The following KLF10 variants were observed in gnomAD, a reference collection of about 807,000 sequenced individuals.
The protein encoded by KLF10 is KLF transcription factor 10, also known as Krueppel-like factor 10.
Under a neutral mutation model 31.6 loss-of-function variants are expected in KLF10, and 17 were observed. That is an observed-to-expected ratio of 0.54 (90% CI 0.37 to 0.81). KLF10 has a LOEUF of 0.81. Among genes scored for constraint, KLF10 ranks in the 30% least tolerant of loss-of-function variants. KLF10 has a pLI of 0.00. For synonymous variants in KLF10, 239 were observed against 215.1 expected (o/e 1.11, Z -0.97); for missense variants, 525 against 598.1 (o/e 0.88, Z 1.27).
At chr8:102,653,769 G>T in intron 1 of KLF10, 1 of 1,103,706 alleles carries the variant, frequency 9.1e-7, no homozygotes, top group Non-Finnish European at 1.1e-6. Context: ...AGAAAGGCAG[G>T]CGGCAGGGAA....
intron 1 of KLF10, chr8:102,653,659 A>C: frequency 7.6e-7 from 1 of 1,307,432 alleles, no homozygotes; most frequent in Non-Finnish European, 9.7e-7. Context: ...AATATCGCTA[A>C]CAATATAATT....
At position 102,655,648 on chromosome 8, in the gene KLF10, G is replaced by C; in HGVS notation, c.-47C>G. Reference sequence around the variant, plus strand: ...CGGCAAGCTGACTGGCTGCTAGGCTGCTGGCTGCTTGGCCACAGACGGGCG... The same window carrying C: ...CGGCAAGCTGACTGGCTGCTAGGCTCCTGGCTGCTTGGCCACAGACGGGCG... On this transcript the variant is annotated 5_prime_UTR_variant, in exon 1 of 4. Transcript: ENST00000285407. 6.2e-7 allele frequency: 1 copy of C among 1,609,220 alleles called. No individual in the cohort carries two copies. Among genetic ancestry groups the C allele is most frequent in the South Asian group, 1.1e-5 (1 of 90,768 alleles).
At position 102,652,325 on chromosome 8, in the gene KLF10, T is replaced by C; in HGVS notation, c.109A>G (p.Ser37Gly). The change falls in exon 2 of 4, where the codon AGT (serine) becomes GGT (glycine). Residue 37 changes from serine to glycine, a missense_variant. Physicochemically the swap from Ser to Gly is moderately conservative, Grantham distance 56. Transcript: ENST00000285407. ...AGTGCTTCTACAGCTTCAAAATCAC[T>C]TTTCTCTGCAGTTTTGTTCCAGGAA... ...MYSWNKTAEK[S>G]DFEAVEALMS... 2 of 1,612,764 alleles carry C rather than the reference T, an allele frequency of 1.2e-6. No homozygotes were observed. The highest frequency in any genetic ancestry group is 4.5e-5 in the East Asian group (2 of 44,838).
At position 102,651,310 on chromosome 8, in the gene KLF10, A is replaced by T; in HGVS notation, c.1022T>A (p.Leu341His). The T allele has an allele frequency of 6.2e-7, 1 of 1,602,718 alleles. No homozygotes were observed. Residue 341 changes from leucine to histidine, a missense_variant, in exon 3 of 4, where the codon CTC (leucine) becomes CAC (histidine). Coordinates refer to ENST00000285407, the MANE Select transcript of KLF10 (RefSeq NM_005655.4). ...PPVVSPNGTR[L>H]SPIAPAPGFS... ...CCCAGGAGCAGGGGCAATGGGAGAGAGTCTGGTGCCATTCGGGCTCACCAC... is the reference window on the plus strand; with the variant it reads ...CCCAGGAGCAGGGGCAATGGGAGAGTGTCTGGTGCCATTCGGGCTCACCAC...
intron 3 of KLF10, 78 bp from the exon 4 acceptor site, chr8:102,650,469 T>A (rs907400741): frequency 1.5e-6 from 2 of 1,369,882 alleles, no homozygotes; most frequent in Non-Finnish European, 2.0e-6. Flanking sequence ...TAAAAGTATA[T>A]GAGAAGATAC....
intron 1 of KLF10, chr8:102,653,406 GAACT>G: frequency 7.3e-7 from 1 of 1,366,614 alleles, no homozygotes; most frequent in Non-Finnish European, 9.8e-7. Flanking sequence ...CTTATTTGTA[GAACT>G]ACCTAATGTT....
rs190680917 is a variant in KLF10, at chr8:102,653,668, T to C, written c.37-1271A>G. 4.4e-4 allele frequency: 567 copies of C among 1,287,634 alleles called. 20 individuals carry two copies. The Admixed American group carries it at 0.021, about 48-fold the overall frequency. 79.8% of individuals were successfully genotyped at this position (1,287,634 alleles called of 1,614,324 possible). A position where few individuals can be genotyped will look rare whatever the true frequency, so the allele number is the denominator to read the frequency against. On this transcript the variant is annotated intron_variant, in intron 1 of 3. Transcript: ENST00000285407. ...TCTTGAAATATCGCTAACAATATAA[T>C]TGCATAATCGCGCCCGCCTTTATGT...
Position 102,652,302 on chromosome 8 carries a change from T to C in KLF10, c.132A>G (p.Ala44=). The C allele has an allele frequency of 3.1e-6, 5 of 1,613,398 alleles. No individual in the cohort carries two copies. Among genetic ancestry groups the C allele is most frequent in the Non-Finnish European group, 4.2e-6 (5 of 1,179,516 alleles). Residue 44 remains alanine (A), a synonymous_variant, in exon 2 of 4, where the codon GCA becomes GCG. Transcript: ENST00000285407. ...TCCAACTGCAGCTCATTGACATAAG[T>C]GCTTCTACAGCTTCAAAATCACTTT... ...AEKSDFEAVE[A]LMSMSCSWKS... is the part of the protein sequence containing the mutation.
rs764848278 is a variant in KLF10, at chr8:102,651,826, G to C, written c.506C>G (p.Thr169Ser). The C allele has an allele frequency of 9.3e-6, 15 of 1,614,078 alleles. No individual in the cohort carries two copies. The South Asian group carries it at 1.5e-4, about 17-fold the overall frequency. The change falls in exon 3 of 4, where the codon ACC (threonine) becomes AGC (serine). Residue 169 changes from threonine (T) to serine (S), a missense_variant. Thr to Ser is a moderately conservative substitution (Grantham distance 58, BLOSUM62 1). Coordinates refer to ENST00000285407, the MANE Select transcript of KLF10 (RefSeq NM_005655.4). Reference sequence around the variant, plus strand: ...GATGCTGGCTGCTTTCATTGGGCAGGTCTGGTGGTTACATAGCTGGGCATC... The same window carrying C: ...GATGCTGGCTGCTTTCATTGGGCAGCTCTGGTGGTTACATAGCTGGGCATC... The part of the protein sequence containing the change: ...TADAQLCNHQ[T>S]CPMKAASILN...
intron 1 of KLF10, 57 bp downstream of exon 1, chr8:102,655,509 T>G: frequency 1.2e-6 from 2 of 1,608,520 alleles, no homozygotes; most frequent in Non-Finnish European, 1.7e-6. Context: ...CGCGCCCCCT[T>G]TGGCCCCCCA....
intron 3 of KLF10, 63 bp downstream of exon 3, chr8:102,651,086 A>C: frequency 7.1e-7 from 1 of 1,404,166 alleles, no homozygotes; most frequent in Non-Finnish European, 9.6e-7. Flanking sequence ...CCTGGGTTTA[A>C]ATGTGTGATC....
At chr8:102,650,448 T>G in intron 3 of KLF10, 57 bp from the exon 4 acceptor site, 1 of 1,518,382 alleles carries the variant, frequency 6.6e-7, no homozygotes, top group Admixed American at 1.9e-5. Context: ...AATTATATGT[T>G]CAATTCTGTC....
rs1414567472 is a variant in KLF10 at position 102,652,467 on chromosome 8, C to CG, written c.37-71_37-70insC. The CG allele has an allele frequency of 1.2e-5, 7 of 583,416 alleles. No homozygotes were observed. The African/African-American group carries it at 1.8e-4, about 15-fold the overall frequency. The allele number at this position is 583,416 out of a possible 1,614,324, so 36.1% of individuals were successfully genotyped here. A position where few individuals can be genotyped will look rare whatever the true frequency, so the allele number is the denominator to read the frequency against. ...TCCAAATGACACACAGAAAAATGAGCAAATTTTTTTTTTTTTTTTTTTTAC... is the reference window on the plus strand; with the variant it reads ...TCCAAATGACACACAGAAAAATGAGCGAAATTTTTTTTTTTTTTTTTTTTAC... On this transcript the variant is annotated intron_variant, in intron 1 of 3. Coordinates refer to ENST00000285407, the MANE Select transcript of KLF10 (RefSeq NM_005655.4).
At chr8:102,653,763 A>T in intron 1 of KLF10, 1 of 1,108,016 alleles carries the variant, frequency 9.0e-7, no homozygotes, top group Non-Finnish European at 1.1e-6. Context: ...GAAAAAAGAA[A>T]GGCAGGCGGC....
rs1241072560 is a variant in KLF10 at position 102,651,777 on chromosome 8, A to C, written c.555T>G (p.Phe185Leu). Residue 185 changes from phenylalanine to leucine, a missense_variant, in exon 3 of 4, where the codon TTT becomes TTG. Phe to Leu is a conservative substitution (Grantham distance 22, BLOSUM62 0). Coordinates refer to ENST00000285407, the MANE Select transcript of KLF10 (RefSeq NM_005655.4). ...CAACATTTAGGTGGGTTCTTCTTCT[A>C]AAAGAATTGTTCTGATAGTTGAGGA... is the stretch of plus-strand genomic sequence containing the variant. ...ASILNYQNNS[F>L]RRRTHLNVEA... 1.2e-6 allele frequency: 2 copies of C among 1,614,214 alleles called. No homozygotes were observed. Among genetic ancestry groups the C allele is most frequent in the South Asian group, 2.2e-5 (2 of 91,084 alleles).
rs1827351194 is a variant in KLF10, at chr8:102,655,672, C to T, written c.-71G>A. ...TGCTGGCTGCTTGGCCACAGACGGGCGCACGGAGACACTCGACGCCGCTCC... is the reference window on the plus strand; with the variant it reads ...TGCTGGCTGCTTGGCCACAGACGGGTGCACGGAGACACTCGACGCCGCTCC... On this transcript the variant is annotated 5_prime_UTR_variant, in exon 1 of 4. Coordinates refer to ENST00000285407, the MANE Select transcript of KLF10 (RefSeq NM_005655.4). 1.3e-6 allele frequency: 2 copies of T among 1,562,596 alleles called. No homozygotes were observed. Among genetic ancestry groups the T allele is most frequent in the East Asian group, 2.3e-5 (1 of 43,668 alleles).
At chr8:102,653,849 G>C (rs1370340695) in intron 1 of KLF10, 1 of 974,692 alleles carries the variant, frequency 1.0e-6, no homozygotes, top group East Asian at 9.2e-5. Flanking sequence ...GCGCGAGGCA[G>C]GAAAGGGAAG....
chr8:102,653,585 A>G (rs1038472810), intron 1 of KLF10: 1 of 1,393,060 alleles, frequency 7.2e-7, no homozygotes, highest in Non-Finnish European at 9.3e-7. Context: ...TCTCAATACT[A>G]GTTTTTCAAA....
At position 102,650,056 on chromosome 8, in the gene KLF10, C is replaced by A. The variant is rs1013083230; in HGVS notation, c.*76G>T. The A allele has an allele frequency of 2.0e-6, 3 of 1,534,146 alleles. No individual in the cohort carries two copies. Among genetic ancestry groups the A allele is most frequent in the Non-Finnish European group, 2.6e-6 (3 of 1,132,750 alleles). On this transcript the variant is annotated 3_prime_UTR_variant, in exon 4 of 4. Transcript: ENST00000285407. ...CCCACGTTGTGGGGCCACAGACTTG[C>A]AGTGGAAGCATTTTTACATCACCAC...
Sources: allele counts gnomAD v4.1 joint callset, GRCh38; gene constraint gnomAD v4.1.1; transcripts MANE v1.5; gene names NCBI Gene and HGNC (gene_info 2026-07-23, HGNC 2026-07-21).